The following CSMD1 variants were observed in gnomAD, a reference collection of about 807,000 sequenced individuals.
The protein encoded by CSMD1 is CUB and sushi domain-containing protein 1.
Under a neutral mutation model 417.5 loss-of-function variants are expected in CSMD1, and 213 were observed. The observed-to-expected ratio is 0.51, with a 90% CI of 0.46 to 0.57. The LOEUF is 0.57. Among genes scored for constraint, CSMD1 ranks in the 20% least tolerant of loss-of-function variants. The pLI is 0.00. For missense variants in CSMD1, 6,923 were observed against 4,529.7 expected (o/e 1.53, Z -15.17); for synonymous variants, 2,862 against 1,736.8 (o/e 1.65, Z -16.11).
chr8:3,148,481 C>T (rs1009362427), intron 40 of CSMD1, among the ~76,000 whole-genome samples: 1 of 152,040 alleles, frequency 6.6e-6, no homozygotes. Flanking sequence ...CACATGCGGC[C>T]GAAGTGTGGT....
At chr8:4,498,159 C>G (rs139649109) in intron 2 of CSMD1, among the ~76,000 whole-genome samples, 28 of 152,120 alleles carry the variant, frequency 1.8e-4, no homozygotes, top group Admixed American at 1.2e-3. Context: ...GGGAGGGACA[C>G]GCAGTTATCT....
chr8:4,702,821 T>A (rs1054464106), intron 1 of CSMD1, among the ~76,000 whole-genome samples: 1 of 152,164 alleles, frequency 6.6e-6, no homozygotes, highest in African/African-American at 2.4e-5. Flanking sequence ...ATTCATCATA[T>A]CTTCTCTTTG....
chr8:4,310,146 G>C (rs1006718876), intron 3 of CSMD1, among the ~76,000 whole-genome samples: 4 of 152,106 alleles, frequency 2.6e-5, no homozygotes, highest in African/African-American at 9.7e-5. Flanking sequence ...ACTGCTTCAC[G>C]TTTCTAACAC....
At chr8:4,302,465 A>T (rs1278912378) in intron 3 of CSMD1, among the ~76,000 whole-genome samples, 2 of 152,150 alleles carry the variant, frequency 1.3e-5, no homozygotes, top group African/African-American at 4.8e-5. Flanking sequence ...CGTGCAGACA[A>T]AACAGCAGTC....
At chr8:3,748,267 G>A (rs73496892) in intron 6 of CSMD1, among the ~76,000 whole-genome samples, 1 of 152,042 alleles carries the variant, frequency 6.6e-6, no homozygotes, top group Non-Finnish European at 1.5e-5. Context: ...TTTCATGGAG[G>A]TTTAGTGGTT....
intron 26 of CSMD1, among the ~76,000 whole-genome samples, chr8:3,238,365 CAG>C (rs1296347081): frequency 1.3e-5 from 2 of 152,076 alleles, no homozygotes; most frequent in Non-Finnish European, 2.9e-5. Flanking sequence ...ATGCAGGTCA[CAG>C]GGGATATGAT....
chr8:4,656,538 C>G lies in CSMD1; in HGVS notation c.86-18980G>C, dbSNP rs116408629. 3.6e-3 allele frequency among the ~76,000 whole-genome samples: 548 copies of G among 152,116 alleles called. 8 individuals carry two copies. The highest frequency in any genetic ancestry group is 0.013 in the African/African-American group (519 of 41,412). On this transcript the variant is annotated intron_variant, in intron 1 of 69. Transcript: ENST00000635120. ...GGATTCTGACAACTTTGGGTTTGTT[C>G]AAATCTGATGCCATATTCAACTTGC...
chr8:3,075,676 C>T (rs115241383), intron 49 of CSMD1, among the ~76,000 whole-genome samples: 2,794 of 152,076 alleles, frequency 0.018, 93 homozygotes, highest in African/African-American at 0.064. Flanking sequence ...TGGGTTGCAG[C>T]TTATTTTTTT....
intron 68 of CSMD1, among the ~76,000 whole-genome samples, chr8:2,946,306 G>A (rs1349057628): frequency 6.6e-6 from 1 of 152,110 alleles, no homozygotes; most frequent in Non-Finnish European, 1.5e-5. Context: ...TTTTCATAGG[G>A]TGGTGCAATC....
chr8:3,560,909 C>G (rs919439776), intron 10 of CSMD1, among the ~76,000 whole-genome samples: 1 of 152,174 alleles, frequency 6.6e-6, no homozygotes, highest in South Asian at 2.1e-4. Context: ...CTATTTACTT[C>G]CATGTTACAG....
At chr8:3,782,702 T>C (rs1373609729) in intron 5 of CSMD1, among the ~76,000 whole-genome samples, 1 of 152,190 alleles carries the variant, frequency 6.6e-6, no homozygotes, top group African/African-American at 2.4e-5. Flanking sequence ...GCTAATAGTT[T>C]TTGGCTAGGT....
chr8:4,662,341 G>C (rs1347530100), intron 1 of CSMD1, among the ~76,000 whole-genome samples: 2 of 152,174 alleles, frequency 1.3e-5, no homozygotes, highest in Non-Finnish European at 2.9e-5. Flanking sequence ...GGAAAGCAGA[G>C]GGGGCGATTT....
intron 3 of CSMD1, among the ~76,000 whole-genome samples, chr8:4,128,991 G>C (rs976571549): frequency 6.8e-6 from 1 of 146,260 alleles, no homozygotes; most frequent in Non-Finnish European, 1.5e-5. Context: ...CAGGAGAGTT[G>C]CTTGAACCCG....
At chr8:4,832,417 C>T (rs1161569184) in intron 1 of CSMD1, among the ~76,000 whole-genome samples, 2 of 152,050 alleles carry the variant, frequency 1.3e-5, no homozygotes, top group Non-Finnish European at 2.9e-5. Context: ...CTACTAAGAG[C>T]ATCAGGAAGA....
chr8:4,117,591 T>A (rs1391386013), intron 3 of CSMD1, among the ~76,000 whole-genome samples: 1 of 152,210 alleles, frequency 6.6e-6, no homozygotes, highest in African/African-American at 2.4e-5. Flanking sequence ...GCAATGATTA[T>A]TTTTTACAAA....
chr8:4,474,743 G>A (rs1800710550), intron 2 of CSMD1, among the ~76,000 whole-genome samples: 2 of 152,128 alleles, frequency 1.3e-5, no homozygotes, highest in Admixed American at 6.5e-5. Context: ...TCCGGAGACA[G>A]CAAATACCAC....
intron 3 of CSMD1, among the ~76,000 whole-genome samples, chr8:4,037,230 G>C (rs141892012): frequency 6.6e-6 from 1 of 152,288 alleles, no homozygotes; most frequent in African/African-American, 2.4e-5. Flanking sequence ...TCTATGACAA[G>C]TAATATGACA....
At chr8:4,396,462 C>T (rs1159821030) in intron 3 of CSMD1, among the ~76,000 whole-genome samples, 1 of 152,126 alleles carries the variant, frequency 6.6e-6, no homozygotes, top group African/African-American at 2.4e-5. Flanking sequence ...AGAGTGACAG[C>T]CAGTCTCACT....
chr8:3,785,824 C>G (rs1799428221), intron 5 of CSMD1, among the ~76,000 whole-genome samples: 1 of 152,154 alleles, frequency 6.6e-6, no homozygotes, highest in South Asian at 2.1e-4. Flanking sequence ...TGAAGAGCTT[C>G]TTCCTTATTC....
Sources: allele counts gnomAD v4.1 joint callset (sites outside exome capture counted in the v4.1 genomes callset), GRCh38; gene constraint gnomAD v4.1.1; transcripts MANE v1.5; gene names NCBI Gene and HGNC (gene_info 2026-07-23, HGNC 2026-07-21).